The following CTNNA2 variants were observed in gnomAD, a reference collection of about 807,000 sequenced individuals.
CTNNA2 encodes catenin alpha 2.
In CTNNA2, 42 loss-of-function variants were observed where a neutral mutation model predicts 101.0. The observed-to-expected ratio is 0.42, with a 90% CI of 0.32 to 0.54. CTNNA2 has a LOEUF of 0.54. Among genes scored for constraint, CTNNA2 ranks in the 20% least tolerant of loss-of-function variants. The pLI, the probability that CTNNA2 is intolerant of heterozygous loss-of-function variation, is 0.14. For synonymous variants in CTNNA2, 450 were observed against 456.4 expected (o/e 0.99, Z 0.18); for missense variants, 871 against 1,223.1 (o/e 0.71, Z 4.29).
At chr2:79,621,696 G>C (rs755025792) in intron 1 of CTNNA2, among the ~76,000 whole-genome samples, 4 of 152,176 alleles carry the variant, frequency 2.6e-5, no homozygotes, top group African/African-American at 4.8e-5. Context: ...CACATTGCGA[G>C]TACCTCTAAA....
At chr2:80,423,108 C>T (rs185551237) in intron 9 of CTNNA2, among the ~76,000 whole-genome samples, 27 of 152,052 alleles carry the variant, frequency 1.8e-4, no homozygotes, top group Admixed American at 1.4e-3. Flanking sequence ...ATTAGTTTTG[C>T]AGATAGTTTA....
intron 15 of CTNNA2, among the ~76,000 whole-genome samples, chr2:80,590,533 A>C (rs1558621894): frequency 6.6e-6 from 1 of 152,164 alleles, no homozygotes; most frequent in Non-Finnish European, 1.5e-5. Flanking sequence ...ATGTCAAGAC[A>C]TCATCTGATG....
At chr2:80,208,866 T>C (rs10221884) in intron 7 of CTNNA2, among the ~76,000 whole-genome samples, 9 of 152,196 alleles carry the variant, frequency 5.9e-5, no homozygotes, top group African/African-American at 2.2e-4. Context: ...TGATGTTAAT[T>C]GAAATATACC....
At chr2:79,555,775 T>C (rs1674406459) in intron 1 of CTNNA2, among the ~76,000 whole-genome samples, 1 of 152,118 alleles carries the variant, frequency 6.6e-6, no homozygotes, top group Non-Finnish European at 1.5e-5. Flanking sequence ...CACATCTCAG[T>C]GTTACCCACT....
chr2:80,589,601 G>A, intron 15 of CTNNA2, 116 bp downstream of exon 15: 6 of 941,272 alleles, frequency 6.4e-6, no homozygotes, highest in Non-Finnish European at 9.4e-6. Context: ...CAAGGTGGTG[G>A]TATTATAAAT....
chr2:80,633,821 G>A (rs1201071514), intron 18 of CTNNA2, among the ~76,000 whole-genome samples: 1 of 152,168 alleles, frequency 6.6e-6, no homozygotes, highest in African/African-American at 2.4e-5. Context: ...TGCTATTAAT[G>A]GAGGAGATGG....
intron 9 of CTNNA2, among the ~76,000 whole-genome samples, chr2:80,441,931 A>G (rs1439390328): frequency 6.6e-6 from 1 of 152,244 alleles, no homozygotes; most frequent in Non-Finnish European, 1.5e-5. Context: ...CAGAAGCCAG[A>G]ACAAAAGGGA....
At chr2:80,281,325 TC>T (rs918770632) in intron 7 of CTNNA2, among the ~76,000 whole-genome samples, 52 of 152,162 alleles carry the variant, frequency 3.4e-4, no homozygotes, top group African/African-American at 1.2e-3. Context: ...GGAGGTGAAG[TC>T]CTTAGAGCTC....
chr2:79,550,250 T>C (rs2104046271), intron 1 of CTNNA2, among the ~76,000 whole-genome samples: 1 of 152,332 alleles, frequency 6.6e-6, no homozygotes, highest in South Asian at 2.1e-4. Flanking sequence ...GAAATGATTC[T>C]TCAGAGTTAT....
At chr2:79,955,615 C>A (rs1199896831) in intron 7 of CTNNA2, among the ~76,000 whole-genome samples, 1 of 152,198 alleles carries the variant, frequency 6.6e-6, no homozygotes, top group Admixed American at 6.5e-5. Flanking sequence ...TGCAATGGTG[C>A]AACCACAGCC....
At chr2:79,349,554 A>C (rs1677337543) in intron 3 of CTNNA2, among the ~76,000 whole-genome samples, 1 of 152,236 alleles carries the variant, frequency 6.6e-6, no homozygotes, top group African/African-American at 2.4e-5. Flanking sequence ...ATCCAGCCAA[A>C]TATAAATGGA....
chr2:79,481,800 T>C (rs2104556793), intron 4 of CTNNA2, among the ~76,000 whole-genome samples: 1 of 152,250 alleles, frequency 6.6e-6, no homozygotes, highest in Middle Eastern at 3.4e-3. Flanking sequence ...TTTGAAAAAC[T>C]TTAAAAGAAG....
intron 3 of CTNNA2, among the ~76,000 whole-genome samples, chr2:79,809,253 T>C (rs1676818124): frequency 6.6e-6 from 1 of 152,214 alleles, no homozygotes; most frequent in Non-Finnish European, 1.5e-5. Flanking sequence ...TAAACATATG[T>C]GTGCACGTGT....
intron 1 of CTNNA2, among the ~76,000 whole-genome samples, chr2:79,624,854 A>G (rs1156800661): frequency 6.6e-6 from 1 of 152,146 alleles, no homozygotes; most frequent in Non-Finnish European, 1.5e-5. Context: ...ATGTAGGGGA[A>G]GGGATTTCTG....
At chr2:79,523,178 TAAG>T (rs1323702089) in intron 1 of CTNNA2, 1 of 374,978 alleles carries the variant, frequency 2.7e-6, no homozygotes. Context: ...TTTTGGAATT[TAAG>T]TATTCAATTT....
chr2:80,594,847 C>A (rs1041215640), intron 15 of CTNNA2, among the ~76,000 whole-genome samples: 2 of 151,884 alleles, frequency 1.3e-5, no homozygotes, highest in Admixed American at 6.6e-5. Flanking sequence ...GGATCTATTT[C>A]TGAACTCCAT....
intron 1 of CTNNA2, among the ~76,000 whole-genome samples, chr2:79,196,498 A>C (rs1042968266): frequency 6.6e-6 from 1 of 152,206 alleles, no homozygotes; most frequent in African/African-American, 2.4e-5. Context: ...TATCATGTGA[A>C]TCAAATAAAA....
chr2:80,213,723 A>G (rs1708061262), intron 7 of CTNNA2, among the ~76,000 whole-genome samples: 1 of 152,190 alleles, frequency 6.6e-6, no homozygotes, highest in Non-Finnish European at 1.5e-5. Context: ...ATAGATGTCT[A>G]TTAGGTCTGC....
At chr2:80,610,356 G>C (rs1558641983) in intron 17 of CTNNA2, among the ~76,000 whole-genome samples, 1 of 151,606 alleles carries the variant, frequency 6.6e-6, no homozygotes, top group Non-Finnish European at 1.5e-5. Context: ...AAAGAGTCAA[G>C]AATGTGAGAC....
Sources: gnomAD v4.1 joint callset for allele counts (sites outside exome capture counted in the v4.1 genomes callset) on GRCh38, gnomAD v4.1.1 for gene constraint, MANE v1.5 for transcripts, NCBI Gene and HGNC (gene_info 2026-07-23, HGNC 2026-07-21) for gene names.